TMEFF1: variants seen among roughly 807,000 people sequenced by gnomAD.
The protein encoded by TMEFF1 is transmembrane protein with EGF like and two follistatin like domains 1, also known as tomoregulin-1.
In TMEFF1, 20 loss-of-function variants were observed where a neutral mutation model predicts 47.5. The observed-to-expected ratio is 0.42, with a 90% CI of 0.30 to 0.61. TMEFF1 has a LOEUF of 0.61. Among genes scored for constraint, TMEFF1 ranks in the 20% least tolerant of loss-of-function variants. The pLI is 0.19. For missense variants in TMEFF1, 411 were observed against 471.1 expected (o/e 0.87, Z 1.18); for synonymous variants, 162 against 166.3 (o/e 0.97, Z 0.20).
At chr9:100,575,888 A>G (rs1274892850) in intron 9 of TMEFF1, among the ~76,000 whole-genome samples, 2 of 152,030 alleles carry the variant, frequency 1.3e-5, no homozygotes, top group Non-Finnish European at 2.9e-5. Context: ...CTGTTGAGAA[A>G]CGTGGTAAAA....
intron 5 of TMEFF1, among the ~76,000 whole-genome samples, chr9:100,529,968 C>G (rs1456497899): frequency 6.6e-6 from 1 of 152,024 alleles, no homozygotes; most frequent in Non-Finnish European, 1.5e-5. Flanking sequence ...TACATGGAAA[C>G]TGAACAACCT....
At position 100,473,644 on chromosome 9, in the gene TMEFF1, C is replaced by A; in HGVS notation, c.100C>A (p.Leu34Met). 6.4e-7 allele frequency: 1 copy of A among 1,552,738 alleles called. No homozygotes were observed. The highest frequency in any genetic ancestry group is 8.7e-7 in the Non-Finnish European group (1 of 1,149,242). ...TSVLLLFAFSLPGSRASNQPP... is the reference protein window; with the variant it reads ...TSVLLLFAFSMPGSRASNQPP... ...GGTGCTTCTGCTCTTCGCCTTCTCT[C>A]TGCCCGGGAGCCGCGCGTCCAACCA... Residue 34 changes from leucine (L) to methionine (M), a missense_variant, in exon 1 of 10, where the codon CTG becomes ATG. Coordinates refer to ENST00000374879, the MANE Select transcript of TMEFF1 (RefSeq NM_003692.5). This position sits in a 1 kb window ranked among gnomAD's most constrained non-coding sequence, Gnocchi z 5.4.
chr9:100,561,293 G>A (rs1370777260), intron 7 of TMEFF1, 104 bp from the exon 8 acceptor site: 5 of 1,517,352 alleles, frequency 3.3e-6, no homozygotes, highest in Non-Finnish European at 4.4e-6. Flanking sequence ...GCCAGTAGGT[G>A]GTTGACAGTG....
chr9:100,562,630 GTTTGT>G (rs55940754), intron 8 of TMEFF1, among the ~76,000 whole-genome samples: 76,072 of 141,990 alleles, frequency 0.54, 21,113 homozygotes, highest in Admixed American at 0.62. Flanking sequence ...TTTTTTTTTT[GTTTGT>G]TTTGTTTTGT....
intron 3 of TMEFF1, among the ~76,000 whole-genome samples, chr9:100,510,764 T>C (rs1343127447): frequency 6.6e-6 from 1 of 152,126 alleles, no homozygotes; most frequent in African/African-American, 2.4e-5. Flanking sequence ...TGTGAGCCAT[T>C]GTACCCTGAT....
At chr9:100,509,195 G>T in intron 3 of TMEFF1, 61 bp downstream of exon 3, 1 of 1,419,510 alleles carries the variant, frequency 7.0e-7, no homozygotes, top group Non-Finnish European at 9.2e-7. Flanking sequence ...TTCTAAAAGG[G>T]GGTTTTGAGT....
At chr9:100,561,661 G>T (rs554889083) in intron 8 of TMEFF1, 141 bp downstream of exon 8, 27 of 1,273,866 alleles carry the variant, frequency 2.1e-5, no homozygotes, top group Non-Finnish European at 2.4e-5. Context: ...CAAATCAGCA[G>T]CATCATTTGG....
chr9:100,481,266 C>T (rs1042583003), intron 1 of TMEFF1, among the ~76,000 whole-genome samples: 1 of 152,170 alleles, frequency 6.6e-6, no homozygotes, highest in African/African-American at 2.4e-5. Flanking sequence ...TCTATGAAGG[C>T]AGAGATTTTT....
intron 6 of TMEFF1, among the ~76,000 whole-genome samples, chr9:100,549,104 A>T (rs1214542972): frequency 6.6e-6 from 1 of 152,164 alleles, no homozygotes; most frequent in Non-Finnish European, 1.5e-5. Flanking sequence ...AGAAAGAATT[A>T]CCTGAGACTG....
chr9:100,549,446 A>G (rs1301496152), intron 6 of TMEFF1, among the ~76,000 whole-genome samples: 1 of 152,222 alleles, frequency 6.6e-6, no homozygotes, highest in African/African-American at 2.4e-5. Flanking sequence ...GAACCAAACC[A>G]TATCAGTCAA....
At chr9:100,478,095 A>AG (rs1464172645) in intron 1 of TMEFF1, among the ~76,000 whole-genome samples, 2 of 152,152 alleles carry the variant, frequency 1.3e-5, no homozygotes, top group Non-Finnish European at 2.9e-5. Flanking sequence ...CAGAAAGCAT[A>AG]TTCTTTTGAA....
chr9:100,526,935 C>T (rs1352444247), intron 5 of TMEFF1, among the ~76,000 whole-genome samples: 1 of 133,720 alleles, frequency 7.5e-6, no homozygotes, highest in East Asian at 2.1e-4. Flanking sequence ...CATGGTGAAA[C>T]CCTGTCTCTG....
intron 1 of TMEFF1, among the ~76,000 whole-genome samples, chr9:100,476,400 TG>T (rs1165078957): frequency 1.3e-5 from 2 of 152,082 alleles, no homozygotes; most frequent in Non-Finnish European, 2.9e-5. Context: ...TACTCTGTCA[TG>T]TTTTTTTTTT....
At chr9:100,559,793 ATATGT>A (rs1838981085) in intron 7 of TMEFF1, among the ~76,000 whole-genome samples, 1 of 152,162 alleles carries the variant, frequency 6.6e-6, no homozygotes, top group Non-Finnish European at 1.5e-5. Flanking sequence ...TTGAGAATTT[ATATGT>A]TAGGTTCCCT....
At chr9:100,502,071 T>C (rs1168746120) in intron 2 of TMEFF1, among the ~76,000 whole-genome samples, 1 of 152,258 alleles carries the variant, frequency 6.6e-6, no homozygotes, top group East Asian at 1.9e-4. Flanking sequence ...CATCTGTTAC[T>C]TCTTGCATTT....
intron 9 of TMEFF1, among the ~76,000 whole-genome samples, chr9:100,574,554 T>C (rs2118587912): frequency 6.6e-6 from 1 of 152,216 alleles, no homozygotes; most frequent in East Asian, 1.9e-4. Flanking sequence ...GTATTTTTTT[T>C]TTTGTAGAGA....
At chr9:100,508,957 T>C (rs767599701) in intron 2 of TMEFF1, 48 bp from the exon 3 acceptor site, 3 of 1,502,742 alleles carry the variant, frequency 2.0e-6, no homozygotes, top group East Asian at 2.4e-5. Context: ...AAATAAACTA[T>C]TAATATTCAT....
chr9:100,527,741 A>C (rs1259285195), intron 5 of TMEFF1, among the ~76,000 whole-genome samples: 3 of 151,952 alleles, frequency 2.0e-5, no homozygotes, highest in Admixed American at 6.6e-5. Context: ...AGCCCACCAC[A>C]GCTCAAGGAG....
chr9:100,548,001 G>A (rs1838766900), intron 6 of TMEFF1, 109 bp downstream of exon 6: 3 of 1,230,298 alleles, frequency 2.4e-6, no homozygotes, highest in Non-Finnish European at 3.1e-6. Context: ...AATCCTCGAA[G>A]CTTTATTTTT....
Sources: gnomAD v4.1 joint callset for allele counts (sites outside exome capture counted in the v4.1 genomes callset) on GRCh38, gnomAD v4.1.1 for gene constraint, Gnocchi (gnomAD v3.1) non-coding constraint, MANE v1.5 for transcripts, NCBI Gene and HGNC (gene_info 2026-07-23, HGNC 2026-07-21) for gene names.